ANXA8: variants seen among roughly 807,000 people sequenced by gnomAD.
ANXA8 encodes VAC-beta.
Under a neutral mutation model 26.8 loss-of-function variants are expected in ANXA8, and 9 were observed. The observed-to-expected ratio is 0.34, with a 90% CI of 0.20 to 0.59. The LOEUF is 0.59. Among genes scored for constraint, ANXA8 ranks in the 20% least tolerant of loss-of-function variants. The pLI, the probability that ANXA8 is intolerant of heterozygous loss-of-function variation, is 0.84. For synonymous variants in ANXA8, 39 were observed against 94.8 expected (o/e 0.41, Z 3.42); for missense variants, 83 against 238.5 (o/e 0.35, Z 4.29).
chr10:47,564,901 C>T, the ANXA8 span: 8 of 1,486,344 alleles, frequency 5.4e-6, no homozygotes, highest in Admixed American at 3.4e-5. Flanking sequence ...TCCCCATCAA[C>T]GACAACTACT....
chr10:47,733,167 TTCTTTCTTTCTTTC>T, the ANXA8 span, among the ~76,000 whole-genome samples: 2 of 99,652 alleles, frequency 2.0e-5, no homozygotes, highest in African/African-American at 6.6e-5. Context: ...CTTTCTTTCT[TTCTTTCTTTCTTTC>T]TTTCTTTCTT....
the ANXA8 span, among the ~76,000 whole-genome samples, chr10:47,513,469 A>G: frequency 4.0e-4 from 57 of 142,498 alleles, 9 homozygotes; most frequent in Non-Finnish European, 6.0e-4. Context: ...TGCCAAAAGC[A>G]ATCTACAAAT....
the ANXA8 span, among the ~76,000 whole-genome samples, chr10:47,553,960 C>T: frequency 6.7e-6 from 1 of 149,176 alleles, no homozygotes; most frequent in East Asian, 2.1e-4. Context: ...GGAGATCTCG[C>T]GTTCTGGGGG....
chr10:47,714,288 T>A, the ANXA8 span, among the ~76,000 whole-genome samples: 1 of 143,508 alleles, frequency 7.0e-6, no homozygotes, highest in Non-Finnish European at 1.5e-5. Context: ...TAGCTAGTGA[T>A]GTTCTGTCTT....
At chr10:47,976,510 C>T in the ANXA8 span, among the ~76,000 whole-genome samples, 1 of 149,784 alleles carries the variant, frequency 6.7e-6, no homozygotes, top group Non-Finnish European at 1.5e-5. Flanking sequence ...GAGTTTGAGA[C>T]CAGTCTGGAC....
chr10:47,658,958 G>A, the ANXA8 span, among the ~76,000 whole-genome samples: 10 of 148,960 alleles, frequency 6.7e-5, no homozygotes, highest in South Asian at 2.1e-4. Flanking sequence ...TGCAAGCTCC[G>A]CCTCCCAGGT....
At chr10:47,756,875 C>G in the ANXA8 span, among the ~76,000 whole-genome samples, 2 of 144,134 alleles carry the variant, frequency 1.4e-5, no homozygotes, top group Non-Finnish European at 1.5e-5. Flanking sequence ...GGACCCATGC[C>G]GCTGATGGAA....
the ANXA8 span, among the ~76,000 whole-genome samples, chr10:47,980,447 G>A: frequency 6.6e-6 from 1 of 151,370 alleles, no homozygotes. Context: ...AAACGGAATA[G>A]AAAAAACACT....
chr10:47,988,827 C>T, the ANXA8 span, among the ~76,000 whole-genome samples: 3 of 151,750 alleles, frequency 2.0e-5, 1 homozygote, highest in Non-Finnish European at 4.4e-5. Context: ...AAAGTCCATA[C>T]TCTTGTTTGT....
At chr10:47,585,263 C>CAAAAAAAAAAAAAAAAAAAAA in the ANXA8 span, among the ~76,000 whole-genome samples, 1 of 43,582 alleles carries the variant, frequency 2.3e-5, no homozygotes, top group Non-Finnish European at 3.3e-5. Flanking sequence ...GACTCCATCT[C>CAAAAAAAAAAAAAAAAAAAAA]AAAAAAAAAA....
At chr10:47,905,694 TC>T in the ANXA8 span, among the ~76,000 whole-genome samples, 5 of 148,756 alleles carry the variant, frequency 3.4e-5, no homozygotes, top group Non-Finnish European at 7.4e-5. Flanking sequence ...CACAGAGATG[TC>T]CACCAGAATG....
chr10:47,709,635 A>G, the ANXA8 span, among the ~76,000 whole-genome samples: 28 of 134,802 alleles, frequency 2.1e-4, no homozygotes, highest in Admixed American at 2.0e-3. Flanking sequence ...GAGCTCAGGG[A>G]AAAAAGCAGC....
the ANXA8 span, chr10:47,750,862 G>GTACA: frequency 2.0e-5 from 3 of 151,846 alleles, no homozygotes; most frequent in African/African-American, 7.3e-5. Context: ...ACACAAAAGT[G>GTACA]TACACACCCT....
the ANXA8 span, among the ~76,000 whole-genome samples, chr10:47,573,660 A>G: frequency 1.6e-5 from 2 of 124,406 alleles, no homozygotes; most frequent in African/African-American, 6.3e-5. Context: ...TCAGTGGATG[A>G]GGCTAGAATA....
At chr10:47,899,156 T>C in the ANXA8 span, among the ~76,000 whole-genome samples, 2 of 150,862 alleles carry the variant, frequency 1.3e-5, no homozygotes, top group African/African-American at 2.4e-5. Flanking sequence ...TGGATTTTCA[T>C]TGCACTTAGG....
chr10:47,555,292 CAT>C, the ANXA8 span, among the ~76,000 whole-genome samples: 1 of 151,380 alleles, frequency 6.6e-6, no homozygotes, highest in Non-Finnish European at 1.5e-5. Flanking sequence ...AGTGGTATAG[CAT>C]CGGTGACTCT....
At chr10:47,661,868 C>T in the ANXA8 span, among the ~76,000 whole-genome samples, 87 of 146,576 alleles carry the variant, frequency 5.9e-4, no homozygotes, top group Non-Finnish European at 9.3e-4. Flanking sequence ...CCAAAATAAT[C>T]AACATTTATT....
chr10:47,761,102 GCA>G, the ANXA8 span, among the ~76,000 whole-genome samples: 32,347 of 144,678 alleles, frequency 0.22, 2,987 homozygotes, highest in East Asian at 0.46. Context: ...ACACACACAC[GCA>G]CACACACACA....
the ANXA8 span, among the ~76,000 whole-genome samples, chr10:47,660,427 G>A: frequency 6.6e-6 from 1 of 151,222 alleles, no homozygotes; most frequent in Non-Finnish European, 1.5e-5. Flanking sequence ...AATTGAGACA[G>A]TCTCGTCCTG....
Sources: gnomAD v4.1 joint callset for allele counts (sites outside exome capture counted in the v4.1 genomes callset) on GRCh38, gnomAD v4.1.1 for gene constraint, MANE v1.5 for transcripts, NCBI Gene and HGNC (gene_info 2026-07-23, HGNC 2026-07-21) for gene names.